Variants in NDST4 observed in about 807,000 individuals in gnomAD.
NDST4 encodes the protein N-deacetylase and N-sulfotransferase 4.
In NDST4, 63 loss-of-function variants were observed where a neutral mutation model predicts 100.8. That is an observed-to-expected ratio of 0.62 (90% CI 0.51 to 0.77). The LOEUF (loss-of-function observed/expected upper bound fraction) is 0.77. Ranked by LOEUF, NDST4 falls within the 30% of genes least tolerant of loss-of-function variation. The pLI, the probability that NDST4 is intolerant of heterozygous loss-of-function variation, is 0.00. For missense variants in NDST4, 943 were observed against 1,018.4 expected, an observed-to-expected ratio of 0.93 and a Z score of 1.01; for synonymous variants, 377 against 361.8, an observed-to-expected ratio of 1.04 and a Z score of -0.48.
intron 4 of NDST4, among the ~76,000 whole-genome samples, chr4:114,949,806 A>G (rs977083581): frequency 1.3e-5 from 2 of 152,068 alleles, no homozygotes; most frequent in African/African-American, 2.4e-5. Context: ...TTGGCTCCAC[A>G]AGCAAACTTT....
At chr4:115,100,629 A>G (rs1729711306) in intron 1 of NDST4, among the ~76,000 whole-genome samples, 2 of 152,196 alleles carry the variant, frequency 1.3e-5, no homozygotes, top group African/African-American at 4.8e-5. Context: ...ATTTAAAAGG[A>G]ATTATGTTCT....
chr4:115,089,532 T>C (rs921155375), intron 1 of NDST4, among the ~76,000 whole-genome samples: 1 of 151,948 alleles, frequency 6.6e-6, no homozygotes, highest in African/African-American at 2.4e-5. Context: ...TGTCCTTATC[T>C]TTTTTATAAT....
At chr4:115,103,157 A>T (rs1317694485) in intron 1 of NDST4, among the ~76,000 whole-genome samples, 1 of 152,190 alleles carries the variant, frequency 6.6e-6, no homozygotes, top group Non-Finnish European at 1.5e-5. Flanking sequence ...CCTTTCTATC[A>T]AGAAAGTATC....
At chr4:114,896,622 CAAAA>C (rs34174566) in intron 6 of NDST4, among the ~76,000 whole-genome samples, 18 of 103,878 alleles carry the variant, frequency 1.7e-4, no homozygotes, top group Non-Finnish European at 3.2e-4. Context: ...GACTCCGTCT[CAAAA>C]AAAAAAAAAA....
chr4:115,003,596 G>A (rs768255069), intron 2 of NDST4, among the ~76,000 whole-genome samples: 8 of 152,046 alleles, frequency 5.3e-5, no homozygotes, highest in East Asian at 3.9e-4. Context: ...AGTACTTAGC[G>A]GTGGCTCACG....
At chr4:114,890,988 T>C (rs190724570) in intron 6 of NDST4, among the ~76,000 whole-genome samples, 22 of 152,166 alleles carry the variant, frequency 1.4e-4, no homozygotes, top group Admixed American at 1.2e-3. Context: ...TCTTTTGTAT[T>C]TGGCTTTGGG....
rs972859972 is a variant in NDST4 at position 114,956,185 on chromosome 4, C to G, written c.1221+14245G>C. On this transcript the variant is annotated intron_variant, in intron 4 of 13. Transcript: ENST00000264363. ...GAGTAATAGGGGCTACTACCCCAAC[C>G]CAGGACCCCGCCTATGAATCTGGGT... is the stretch of plus-strand genomic sequence containing the variant. Among the ~76,000 whole-genome samples, 9 of 152,216 alleles carry G rather than the reference C, an allele frequency of 5.9e-5. No individual in the cohort carries two copies. In the East Asian group the frequency reaches 1.7e-3, roughly 29 times the overall value.
At chr4:114,872,632 T>C (rs961824672) in intron 6 of NDST4, among the ~76,000 whole-genome samples, 5 of 152,142 alleles carry the variant, frequency 3.3e-5, no homozygotes, top group Admixed American at 1.3e-4. Context: ...CTAAAATTCA[T>C]ATAGTGTTTG....
rs57987259 is a variant in NDST4, at chr4:114,847,375, CAAAAAAAAAAAAAAAAAAAAAAAAA to C, written c.1940+815_1940+839del. Among the ~76,000 whole-genome samples, 75 of 18,232 alleles carry C rather than the reference CAAAAAAAAAAAAAAAAAAAAAAAAA, an allele frequency of 4.1e-3. 1 individual carries two copies. The East Asian group carries it at 0.058, about 14-fold the overall frequency. The allele number at this position is 18,232 out of a possible 152,430, so 12.0% of individuals were successfully genotyped here. ...TGGGCGACAGAGCGAGACTCCGTCT[CAAAAAAAAAAAAAAAAAAAAAAAAA>C]AAAAAAAAAAAAAAAAGTGTCTTTC... is the stretch of plus-strand genomic sequence containing the variant. On this transcript the variant is annotated intron_variant, in intron 9 of 13. Coordinates refer to ENST00000264363, the MANE Select transcript of NDST4 (RefSeq NM_022569.3).
At chr4:114,972,482 T>C (rs577507825) in intron 3 of NDST4, among the ~76,000 whole-genome samples, 2 of 152,172 alleles carry the variant, frequency 1.3e-5, no homozygotes, top group African/African-American at 4.8e-5. Context: ...ATTTTTGTTT[T>C]AGCTAACAGT....
chr4:114,981,654 T>A (rs1239463310), intron 2 of NDST4, among the ~76,000 whole-genome samples: 1 of 152,140 alleles, frequency 6.6e-6, no homozygotes, highest in Non-Finnish European at 1.5e-5. Flanking sequence ...CTGGAGATCA[T>A]CACCATTAGA....
At chr4:115,087,083 A>T (rs1387036881) in intron 1 of NDST4, among the ~76,000 whole-genome samples, 1 of 152,038 alleles carries the variant, frequency 6.6e-6, no homozygotes, top group African/African-American at 2.4e-5. Context: ...ATTAAACAGG[A>T]TTAAACAATT....
intron 7 of NDST4, among the ~76,000 whole-genome samples, chr4:114,866,702 GT>G (rs1468061417): frequency 2.6e-5 from 4 of 152,094 alleles, no homozygotes; most frequent in Non-Finnish European, 5.9e-5. Context: ...ATTCTGTGTG[GT>G]AAGTGCAGTA....
chr4:115,040,313 GC>G (rs1406197022), intron 2 of NDST4, among the ~76,000 whole-genome samples: 2 of 148,356 alleles, frequency 1.3e-5, no homozygotes, highest in Non-Finnish European at 3.0e-5. Context: ...GGCCTTATAA[GC>G]AAAGCAATTC....
intron 2 of NDST4, among the ~76,000 whole-genome samples, chr4:114,991,764 G>A (rs1486849561): frequency 1.3e-5 from 2 of 151,942 alleles, no homozygotes; most frequent in Non-Finnish European, 2.9e-5. Context: ...AACAAATAAT[G>A]TGCTTATATT....
Position 114,948,854 on chromosome 4 carries a change from C to T in NDST4, c.1222-11351G>A, listed in dbSNP as rs146310048. Among the ~76,000 whole-genome samples the T allele has an allele frequency of 5.9e-5, 9 of 152,024 alleles. No individual in the cohort carries two copies. The East Asian group carries it at 1.5e-3, about 26-fold the overall frequency. On this transcript the variant is annotated intron_variant, in intron 4 of 13. Coordinates refer to ENST00000264363, the MANE Select transcript of NDST4 (RefSeq NM_022569.3). Reference sequence around the variant, plus strand: ...TACTATAGATAAAGTATAAAGGACACCATCATACTAAAATAATTTTTCAAA... The same window carrying T: ...TACTATAGATAAAGTATAAAGGACATCATCATACTAAAATAATTTTTCAAA...
chr4:114,973,984 G>T (rs1223726449), intron 3 of NDST4, among the ~76,000 whole-genome samples: 1 of 151,746 alleles, frequency 6.6e-6, no homozygotes, highest in Non-Finnish European at 1.5e-5. Context: ...TCCAAAATTA[G>T]AAAATAGTGC....
intron 6 of NDST4, among the ~76,000 whole-genome samples, chr4:114,922,721 C>A (rs2126219672): frequency 6.6e-6 from 1 of 151,840 alleles, no homozygotes; most frequent in African/African-American, 2.4e-5. Context: ...ACTTCGGTAC[C>A]ATGTGACCCA....
intron 2 of NDST4, among the ~76,000 whole-genome samples, chr4:115,017,420 G>T (rs1485581665): frequency 4.6e-5 from 7 of 151,958 alleles, no homozygotes; most frequent in African/African-American, 1.7e-4. Context: ...CCACATTACA[G>T]ATATTATTTC....
Sources: allele counts gnomAD v4.1 joint callset (sites outside exome capture counted in the v4.1 genomes callset), GRCh38; gene constraint gnomAD v4.1.1; transcripts MANE v1.5; gene names NCBI Gene and HGNC (gene_info 2026-07-23, HGNC 2026-07-21).